Variants in COL17A1 observed in about 807,000 individuals in gnomAD.
COL17A1 encodes collagen type XVII alpha 1 chain.
COL17A1 carries 181 observed loss-of-function variants against 218.4 expected under a neutral mutation model. That is an observed-to-expected ratio of 0.83 (90% CI 0.73 to 0.94). The LOEUF is 0.94. Ranked by LOEUF, COL17A1 falls within the 40% of genes least tolerant of loss-of-function variation. COL17A1 has a pLI of 0.00. For synonymous variants in COL17A1, 721 were observed against 731.0 expected, an observed-to-expected ratio of 0.99 and a Z score of 0.22; for missense variants, 1,924 against 1,945.9, an observed-to-expected ratio of 0.99 and a Z score of 0.21.
intron 5 of COL17A1, 47 bp downstream of exon 5, chr10:104,076,254 G>T (rs564929474): frequency 1.9e-6 from 3 of 1,612,514 alleles, no homozygotes; most frequent in Admixed American, 1.7e-5. Flanking sequence ...GAGTGAAGTT[G>T]CTTGGGGAAG....
At position 104,064,492 on chromosome 10, in the gene COL17A1, T is replaced by G. The variant is rs772875126; in HGVS notation, c.712A>C (p.Met238Leu). Residue 238 changes from methionine (M) to leucine (L), a missense_variant, in exon 10 of 56, where the codon ATG becomes CTG. Transcript: ENST00000648076. ...GSSMGTYHNNMTTQSSSLLNT... is the reference protein window; with the variant it reads ...GSSMGTYHNNLTTQSSSLLNT... ...AGGAGGGATGAGCTCTGGGTTGTCA[T>G]GTTGTTGTGATAGGTCCCCATGGAG... is the stretch of plus-strand genomic sequence containing the variant. The G allele has an allele frequency of 6.2e-7, 1 of 1,614,120 alleles. No individual in the cohort carries two copies. The highest frequency in any genetic ancestry group is 8.5e-7 in the Non-Finnish European group (1 of 1,180,006).
chr10:104,035,800 A>ATGGGAGTGAGTGTG (rs2086275567), intron 48 of COL17A1, among the ~76,000 whole-genome samples: 1 of 21,842 alleles, frequency 4.6e-5, no homozygotes, highest in East Asian at 1.0e-3. Context: ...GTGTATGAGT[A>ATGGGAGTGAGTGTG]TGTGTGTATG....
At chr10:104,046,386 C>T (rs552271159) in intron 32 of COL17A1, among the ~76,000 whole-genome samples, 2 of 152,298 alleles carry the variant, frequency 1.3e-5, no homozygotes, top group Admixed American at 6.5e-5. Context: ...AGGATGAGCG[C>T]CCATGCCCTG....
intron 2 of COL17A1, among the ~76,000 whole-genome samples, chr10:104,079,193 C>T (rs184947808): frequency 3.3e-5 from 5 of 152,202 alleles, no homozygotes; most frequent in African/African-American, 1.2e-4. Flanking sequence ...AGAACCAGTC[C>T]CTTGGCCTCT....
intron 9 of COL17A1, among the ~76,000 whole-genome samples, chr10:104,068,718 A>G (rs1182677459): frequency 3.9e-5 from 6 of 152,250 alleles, no homozygotes; most frequent in Non-Finnish European, 8.8e-5. Context: ...AGAGATAGCC[A>G]TAGGCAAAAC....
intron 29 of COL17A1, among the ~76,000 whole-genome samples, chr10:104,048,585 A>G (rs2086436644): frequency 6.6e-6 from 1 of 152,136 alleles, no homozygotes; most frequent in Non-Finnish European, 1.5e-5. Flanking sequence ...ACCACTTGAA[A>G]TGCCCCCTCC....
At chr10:104,071,263 C>T (rs768521318) in intron 8 of COL17A1, among the ~76,000 whole-genome samples, 29 of 152,048 alleles carry the variant, frequency 1.9e-4, no homozygotes, top group Admixed American at 3.9e-4. Context: ...CCCCAACTCC[C>T]TTCGCCTCAC....
In COL17A1 at chr10:104,039,643, G is replaced by C. The variant is rs747689964; in HGVS notation, c.2789-3C>G. The C allele has an allele frequency of 5.6e-6, 9 of 1,614,168 alleles. No homozygotes were observed. The highest frequency in any genetic ancestry group is 7.6e-6 in the Non-Finnish European group (9 of 1,180,018). ...GAAACCTGGGAGGCCTTGCTCGCCT[G>C]AGGAACACACCAAGGGAGGGACAGT... On this transcript the variant is annotated splice_polypyrimidine_tract_variant and splice_region_variant and intron_variant, in intron 41 of 55. Transcript: ENST00000648076.
chr10:104,039,255 G>T, intron 43 of COL17A1, 134 bp from the exon 44 acceptor site: 1 of 1,033,688 alleles, frequency 9.7e-7, no homozygotes, highest in Non-Finnish European at 1.5e-6. Flanking sequence ...TAATACCACA[G>T]CTCCCTTGTA....
At position 104,048,077 on chromosome 10, in the gene COL17A1, C is replaced by A; in HGVS notation, c.2255G>T (p.Gly752Val). ...MGPAGPDGHQ[G>V]PRGEQGLTGM... ...GCAGATGAGTGACCAACCTCTTGGG[C>A]CTTGGTGTCCGTCTGGGCCAGCAGG... The change falls in exon 30 of 56, where the codon GGC becomes GTC. Residue 752 changes from glycine (G) to valine (V), a missense_variant. Coordinates refer to ENST00000648076, the MANE Select transcript of COL17A1 (RefSeq NM_000494.4). 1 of 1,614,160 alleles carries A rather than the reference C, an allele frequency of 6.2e-7. No individual in the cohort carries two copies. Among genetic ancestry groups the A allele is most frequent in the Non-Finnish European group, 8.5e-7 (1 of 1,180,028 alleles).
In COL17A1 at chr10:104,056,990, C is replaced by T. The variant is rs572880557; in HGVS notation, c.1450G>A (p.Gly484Ser). ...TWLLLLGLLF[G>S]LIALAEEVRK... ...TGCCACGTACCCAGAGCAATGAGGC[C>T]GAAGAGCAGCCCCAGGAGTAGCAGC... is the stretch of plus-strand genomic sequence containing the variant. The change falls in exon 17 of 56, where the codon GGC becomes AGC. Residue 484 changes from glycine to serine, a missense_variant. By Grantham distance (56) the Gly-to-Ser change is moderately conservative (BLOSUM62 0). Transcript: ENST00000648076. 1.2e-5 allele frequency: 19 copies of T among 1,579,826 alleles called. No individual in the cohort carries two copies. The highest frequency in any genetic ancestry group is 5.5e-5 in the Admixed American group (3 of 54,436).
chr10:104,040,193 C>T (rs1002340093), intron 40 of COL17A1, among the ~76,000 whole-genome samples, 158 bp downstream of exon 40: 1 of 152,214 alleles, frequency 6.6e-6, no homozygotes, highest in African/African-American at 2.4e-5. Context: ...GTGCCTCCCC[C>T]TCTACCTTTG....
rs750388712 is a variant in COL17A1 at position 104,034,274 on chromosome 10, G to C, written c.3827C>G (p.Pro1276Arg). 3 of 1,596,076 alleles carry C rather than the reference G, an allele frequency of 1.9e-6. No homozygotes were observed. In the African/African-American group the frequency reaches 4.0e-5, roughly 21 times the overall value. ...PPGPPGPQGP[P>R]GDSRLLSTDA... ...CGTGGACAGGAGGCGGCTGTCCCCA[G>C]GGGGTCCCTGCGGCCCAGGAGGGCC... The change falls in exon 52 of 56, where the codon CCT (proline) becomes CGT (arginine). Residue 1276 changes from proline (P) to arginine (R), a missense_variant. Coordinates refer to ENST00000648076, the MANE Select transcript of COL17A1 (RefSeq NM_000494.4).
At chr10:104,062,585 A>C (rs2086592501) in intron 11 of COL17A1, among the ~76,000 whole-genome samples, 1 of 152,232 alleles carries the variant, frequency 6.6e-6, no homozygotes, top group Admixed American at 6.5e-5. Flanking sequence ...AGTAGTTTGC[A>C]CAGGGTCTGA....
intron 31 of COL17A1, 68 bp downstream of exon 31, chr10:104,047,671 C>T: frequency 7.6e-7 from 1 of 1,311,114 alleles, no homozygotes; most frequent in Non-Finnish European, 1.1e-6. Flanking sequence ...ACACACATGC[C>T]TACATCCACA....
chr10:104,043,985 G>T, intron 33 of COL17A1, 125 bp from the exon 34 acceptor site: 1 of 1,059,596 alleles, frequency 9.4e-7, no homozygotes, highest in Non-Finnish European at 1.5e-6. Flanking sequence ...TCAGGCTAAA[G>T]GCATTTTAAT....
intron 37 of COL17A1, 68 bp from the exon 38 acceptor site, chr10:104,041,412 G>T: frequency 6.2e-7 from 1 of 1,600,184 alleles, no homozygotes; most frequent in Non-Finnish European, 8.5e-7. Context: ...GAGGATCTTG[G>T]CTTCCTCACT....
chr10:104,055,444 TCACA>T lies in COL17A1; in HGVS notation c.1688-47_1688-44del, dbSNP rs1554849247. Reference sequence around the variant, plus strand: ...TCCTGAGTCAGCTTCACATCTCCTGTCACACACACACACACACACACACACACAC... The same window carrying T: ...TCCTGAGTCAGCTTCACATCTCCTGTCACACACACACACACACACACACAC... On this transcript the variant is annotated intron_variant, in intron 18 of 55. Transcript: ENST00000648076. The T allele has an allele frequency of 6.3e-3, 7,127 of 1,130,718 alleles. 199 individuals are homozygous for T. In the African/African-American group the frequency reaches 0.093, roughly 15 times the overall value. The allele number at this position is 1,130,718 out of a possible 1,614,324, so 70.0% of individuals were successfully genotyped here.
intron 39 of COL17A1, 59 bp downstream of exon 39, chr10:104,041,006 T>C (rs1042120595): frequency 1.0e-5 from 16 of 1,573,910 alleles, no homozygotes; most frequent in Non-Finnish European, 1.3e-5. Context: ...ACGGCCACAG[T>C]CTGTGGCAGG....
Sources: gnomAD v4.1 joint callset for allele counts (sites outside exome capture counted in the v4.1 genomes callset) on GRCh38, gnomAD v4.1.1 for gene constraint, MANE v1.5 for transcripts, NCBI Gene and HGNC (gene_info 2026-07-23, HGNC 2026-07-21) for gene names.